DGKK: variants seen among roughly 807,000 people sequenced by gnomAD.
DGKK encodes the protein 142 kDa diacylglycerol kinase.
A neutral mutation model predicts 92.2 loss-of-function variants in DGKK; 35 were observed. That is an observed-to-expected ratio of 0.38 (90% CI 0.29 to 0.50). DGKK has a LOEUF of 0.50. Among genes scored for constraint, DGKK ranks in the 20% least tolerant of loss-of-function variants. The probability of loss-of-function intolerance (pLI) is 0.92; values close to 1 mark genes in which losing one functional copy is unlikely to be tolerated. For synonymous variants in DGKK, 368 were observed against 360.6 expected, an observed-to-expected ratio of 1.02 and a Z score of -0.23; for missense variants, 910 against 992.2, an observed-to-expected ratio of 0.92 and a Z score of 1.11.
At chrX:50,447,505 C>A (rs782564878) in intron 1 of DGKK, among the ~76,000 whole-genome samples, 3 of 90,538 alleles carry the variant, frequency 3.3e-5, no homozygotes. Context: ...AATAAGGAAC[C>A]AACATGAATC....
intron 7 of DGKK, among the ~76,000 whole-genome samples, chrX:50,401,561 ATGCCAAAGCTCAGAGAGGTAAAGGGTTT>A (rs1324996722): frequency 2.7e-5 from 3 of 111,899 alleles, no homozygotes; most frequent in Non-Finnish European, 5.6e-5. Flanking sequence ...AAAAATGAAG[ATGCCAAAGCTCAGAGAGGTAAAGGGTTT>A]TGCCCAAGGT....
chrX:50,425,842 T>C (rs1602290542), intron 1 of DGKK, among the ~76,000 whole-genome samples: 6 of 111,761 alleles, frequency 5.4e-5, no homozygotes, highest in Non-Finnish European at 1.1e-4. Context: ...TTGTTGAAAT[T>C]GAGTCATCCA....
At position 50,403,872 on chromosome X, in the gene DGKK, TC is replaced by T. The variant is rs781975817; in HGVS notation, c.1078+176del. Among the ~76,000 whole-genome samples, 34 of 111,404 alleles carry T rather than the reference TC, an allele frequency of 3.1e-4. No individual in the cohort carries two copies. In the East Asian group the frequency reaches 9.1e-3, roughly 30 times the overall value. On this transcript the variant is annotated intron_variant, in intron 5 of 27. Transcript: ENST00000611977. ...ATATAGTCCCATCCCCCCACACTCA[TC>T]CTTCTATTTTCATCCCCTTTATGTT...
chrX:50,376,806 T>A lies in DGKK; in HGVS notation c.3224A>T (p.Tyr1075Phe). 8.3e-7 allele frequency: 1 copy of A among 1,207,345 alleles called. No individual in the cohort carries two copies. The highest frequency in any genetic ancestry group is 1.7e-5 in the African/African-American group (1 of 57,822). The change falls in exon 23 of 28, where the codon TAT (tyrosine) becomes TTT (phenylalanine). Residue 1075 changes from tyrosine (Y) to phenylalanine (F), a missense_variant. By Grantham distance (22) the Tyr-to-Phe change is conservative. Transcript: ENST00000611977. ...CCGAGCTAAGTGCTGCATCTGGGCATACTCCTCGTCAGAGAGGCTCTCTTG... is the reference window on the plus strand; with the variant it reads ...CCGAGCTAAGTGCTGCATCTGGGCAAACTCCTCGTCAGAGAGGCTCTCTTG... ...DSQESLSDEEYAQMQHLARLA... is the reference protein window; with the variant it reads ...DSQESLSDEEFAQMQHLARLA...
intron 8 of DGKK, among the ~76,000 whole-genome samples, chrX:50,397,361 C>T (rs782052700): frequency 1.8e-5 from 2 of 112,263 alleles, no homozygotes; most frequent in South Asian, 7.5e-4. Flanking sequence ...TAAAATCCTC[C>T]CTTACAAATG....
intron 18 of DGKK, among the ~76,000 whole-genome samples, 195 bp from the exon 19 acceptor site, chrX:50,380,272 C>T (rs782004601): frequency 1.8e-5 from 2 of 111,821 alleles, no homozygotes; most frequent in East Asian, 2.8e-4. Flanking sequence ...TCCTGGGCCC[C>T]TTTGAAGCCT....
chrX:50,375,903 C>T (rs1370480047), intron 24 of DGKK, 121 bp downstream of exon 24: 1 of 865,610 alleles, frequency 1.2e-6, no homozygotes, highest in Non-Finnish European at 1.6e-6. Flanking sequence ...CCACTCTCTC[C>T]ATCAGTTTCC....
intron 25 of DGKK, among the ~76,000 whole-genome samples, chrX:50,373,508 C>T (rs1461493511): frequency 8.0e-5 from 9 of 112,045 alleles, no homozygotes; most frequent in African/African-American, 2.9e-4. Flanking sequence ...GCACCTATTT[C>T]CTGCTGCCCA....
intron 20 of DGKK, 70 bp from the exon 21 acceptor site, chrX:50,378,761 T>C: frequency 1.2e-6 from 1 of 829,143 alleles, no homozygotes; most frequent in East Asian, 3.4e-5. Flanking sequence ...CAAGAAGGCA[T>C]GTTTAAAGGC....
At chrX:50,382,981 C>T (rs782403829) in intron 17 of DGKK, among the ~76,000 whole-genome samples, 35 of 112,013 alleles carry the variant, frequency 3.1e-4, no homozygotes, top group African/African-American at 8.4e-4. Flanking sequence ...TAGACACAAA[C>T]GTGCCATGAC....
intron 4 of DGKK, among the ~76,000 whole-genome samples, chrX:50,417,903 C>T (rs1464059667): frequency 1.9e-4 from 21 of 111,228 alleles, no homozygotes; most frequent in African/African-American, 6.9e-4. Flanking sequence ...ATGGTCAGGC[C>T]CCATCTACCT....
In DGKK at chrX:50,470,281, G is replaced by A; in HGVS notation, c.398C>T (p.Ser133Leu). ...PEPTPEPALE[S>L]VPEPAPELTP... ...CAGCTCTGGGGCCGGCTCTGGGACC[G>A]ACTCTAGGGCAGGTTCTGGAGTCGG... The change falls in exon 1 of 28, where the codon TCG (serine) becomes TTG (leucine). Residue 133 changes from serine to leucine, a missense_variant. Transcript: ENST00000611977. 1 of 1,207,859 alleles carries A rather than the reference G, an allele frequency of 8.3e-7. No individual in the cohort carries two copies. The highest frequency in any genetic ancestry group is 1.1e-6 in the Non-Finnish European group (1 of 893,646).
chrX:50,470,571 T>C lies in DGKK; in HGVS notation c.108A>G (p.Pro36=), dbSNP rs782146655. The change falls in exon 1 of 28, where the codon CCA becomes CCG. Residue 36 remains proline, a synonymous_variant. Transcript: ENST00000611977. ...GCGGCGGAGCCGGCGGCGGAGCCGGTGGTGGTGGCGGCGGCGGCCAAGGCG... is the reference window on the plus strand; with the variant it reads ...GCGGCGGAGCCGGCGGCGGAGCCGGCGGTGGTGGCGGCGGCGGCCAAGGCG... The part of the protein sequence containing the change: ...PPPPWPPPPP[P]PAPPPAPPLL... The C allele has an allele frequency of 4.2e-6, 5 of 1,202,862 alleles. No homozygotes were observed. Among genetic ancestry groups the C allele is most frequent in the Non-Finnish European group, 5.6e-6 (5 of 892,989 alleles).
chrX:50,408,956 G>C (rs1010911689), intron 4 of DGKK, among the ~76,000 whole-genome samples: 6 of 111,383 alleles, frequency 5.4e-5, no homozygotes, highest in African/African-American at 2.0e-4. Context: ...CATGAATTTG[G>C]GGGGGACTAG....
chrX:50,372,665 G>A (rs1557223363), intron 25 of DGKK, among the ~76,000 whole-genome samples: 1 of 111,976 alleles, frequency 8.9e-6, no homozygotes, highest in Non-Finnish European at 1.9e-5. Context: ...GCGCCCACAA[G>A]ATGAACTTTG....
chrX:50,376,768 G>A lies in DGKK; in HGVS notation c.3262C>T (p.Leu1088Phe). The change falls in exon 23 of 28, where the codon CTC becomes TTC. Residue 1088 changes from leucine (L) to phenylalanine (F), a missense_variant. Physicochemically the swap from Leu to Phe is conservative, Grantham distance 22. Transcript: ENST00000611977. ...MQHLARLAEN[L>F]ISKLNDLSKI... is the part of the protein sequence containing the mutation. ...GGCCAGTCCACTTACTTGCTGATGA[G>A]GTTTTCTGCAAGCCGAGCTAAGTGC... 1 of 1,191,024 alleles carries A rather than the reference G, an allele frequency of 8.4e-7. No individual in the cohort carries two copies. Among genetic ancestry groups the A allele is most frequent in the Non-Finnish European group, 1.1e-6 (1 of 884,053 alleles).
At chrX:50,459,220 A>G (rs1557233108) in intron 1 of DGKK, among the ~76,000 whole-genome samples, 1 of 111,345 alleles carries the variant, frequency 9.0e-6, no homozygotes, top group African/African-American at 3.3e-5. Context: ...AATCCTCCAA[A>G]TATGTATCAT....
At chrX:50,373,787 G>T (rs1295076587) in intron 25 of DGKK, among the ~76,000 whole-genome samples, 4 of 112,286 alleles carry the variant, frequency 3.6e-5, no homozygotes, top group Non-Finnish European at 3.8e-5. Context: ...GGCCTTACCA[G>T]CCAACCCTAA....
chrX:50,456,124 A>G (rs1410409477), intron 1 of DGKK, among the ~76,000 whole-genome samples: 4 of 111,783 alleles, frequency 3.6e-5, no homozygotes, highest in Non-Finnish European at 7.5e-5. Context: ...TTCTGATTGG[A>G]AACAAGGTGC....
Sources: allele counts gnomAD v4.1 joint callset (sites outside exome capture counted in the v4.1 genomes callset), GRCh38; gene constraint gnomAD v4.1.1; transcripts MANE v1.5; gene names NCBI Gene and HGNC (gene_info 2026-07-23, HGNC 2026-07-21).